The following RORA variants were observed in gnomAD, a reference collection of about 807,000 sequenced individuals.
The protein encoded by RORA is nuclear receptor ROR-alpha.
Under a neutral mutation model 69.5 loss-of-function variants are expected in RORA, and 7 were observed. That is an observed-to-expected ratio of 0.10 (90% CI 0.06 to 0.19). The LOEUF is 0.19. RORA is among the 10% of genes least tolerant of loss of function. The pLI, the probability that RORA is intolerant of heterozygous loss-of-function variation, is 1.00. For missense variants in RORA, 457 were observed against 663.0 expected, an observed-to-expected ratio of 0.69 and a Z score of 3.41; for synonymous variants, 261 against 240.8, an observed-to-expected ratio of 1.08 and a Z score of -0.78.
intron 1 of RORA, among the ~76,000 whole-genome samples, chr15:61,146,629 T>C (rs1435769496): frequency 1.3e-5 from 2 of 152,220 alleles, no homozygotes; most frequent in African/African-American, 2.4e-5. Context: ...AACATGTTAA[T>C]GATTTCAGAC....
chr15:60,932,831 G>C (rs1391265267), intron 1 of RORA, among the ~76,000 whole-genome samples: 1 of 152,176 alleles, frequency 6.6e-6, no homozygotes, highest in East Asian at 1.9e-4. Flanking sequence ...TGTCTGCAAA[G>C]GGATGAATGC....
intron 1 of RORA, among the ~76,000 whole-genome samples, chr15:60,946,653 C>T (rs1022430544): frequency 3.3e-5 from 5 of 152,182 alleles, no homozygotes; most frequent in Non-Finnish European, 7.3e-5. Flanking sequence ...CTTGGCTTCC[C>T]AAAGTGCCCA....
chr15:61,059,226 A>G lies in RORA; in HGVS notation c.166+169827T>C, dbSNP rs2078136809. ...TGGCTGAGCCTCAGGGGATGCCCCT[A>G]TGTAGGCAGAGGAGGAAAAAGAGGA... On this transcript the variant is annotated intron_variant, in intron 1 of 10. Transcript: ENST00000335670. 2.6e-5 allele frequency among the ~76,000 whole-genome samples: 4 copies of G among 152,238 alleles called. No individual in the cohort carries two copies. The South Asian group carries it at 8.3e-4, about 32-fold the overall frequency.
At chr15:61,148,720 G>A (rs1242780503) in intron 1 of RORA, among the ~76,000 whole-genome samples, 1 of 152,120 alleles carries the variant, frequency 6.6e-6, no homozygotes, top group East Asian at 1.9e-4. Flanking sequence ...CTAACCAAAT[G>A]TCCAATATTA....
intron 2 of RORA, among the ~76,000 whole-genome samples, chr15:60,626,394 C>T (rs1471996714): frequency 1.3e-5 from 2 of 152,042 alleles, no homozygotes; most frequent in South Asian, 2.1e-4. Flanking sequence ...TTGTTGTTGT[C>T]GTTGTTGTTG....
intron 1 of RORA, among the ~76,000 whole-genome samples, chr15:60,775,599 C>T (rs2072153949): frequency 6.6e-6 from 1 of 152,034 alleles, no homozygotes; most frequent in African/African-American, 2.4e-5. Flanking sequence ...TGCTCTTTTC[C>T]CCTCCCTGAT....
chr15:61,002,955 C>A (rs1381503773), intron 1 of RORA, among the ~76,000 whole-genome samples: 2 of 147,096 alleles, frequency 1.4e-5, no homozygotes, highest in African/African-American at 5.1e-5. Context: ...CACAGTGAAA[C>A]CCCGTCTCTA....
At chr15:61,215,031 A>ATTTTTTTTTTTTTTTT (rs61132940) in intron 1 of RORA, among the ~76,000 whole-genome samples, 4 of 80,626 alleles carry the variant, frequency 5.0e-5, no homozygotes, top group Non-Finnish European at 6.9e-5. Context: ...CGCCCAGCTA[A>ATTTTTTTTTTTTTTTT]TTTTTTTTTT....
At chr15:61,136,346 C>A (rs964187939) in intron 1 of RORA, among the ~76,000 whole-genome samples, 9 of 152,174 alleles carry the variant, frequency 5.9e-5, no homozygotes, top group Admixed American at 6.5e-5. Context: ...CCAGTTGTTA[C>A]GTGTGATGCT....
At position 60,781,539 on chromosome 15, in the gene RORA, A is replaced by C. The variant is rs1052464438; in HGVS notation, c.167-102853T>G. Among the ~76,000 whole-genome samples, 9 of 152,086 alleles carry C rather than the reference A, an allele frequency of 5.9e-5. No individual in the cohort carries two copies. In the South Asian group the frequency reaches 8.3e-4, roughly 14 times the overall value. ...ATCTGTAACTCCAAGTCATCTATTT[A>C]TCCCCTAACCGTGCTGCTCCACGGG... is the stretch of plus-strand genomic sequence containing the variant. On this transcript the variant is annotated intron_variant, in intron 1 of 10. Coordinates refer to ENST00000335670, the MANE Select transcript of RORA (RefSeq NM_134261.3).
intron 1 of RORA, among the ~76,000 whole-genome samples, chr15:60,703,126 A>AACACACACACACACAC (rs33962963): frequency 1.4e-5 from 2 of 145,482 alleles, no homozygotes; most frequent in African/African-American, 5.1e-5. Flanking sequence ...GCTTCAGATT[A>AACACACACACACACAC]ACACACACAC....
intron 1 of RORA, among the ~76,000 whole-genome samples, chr15:60,831,874 A>G (rs2073047159): frequency 6.6e-6 from 1 of 152,206 alleles, no homozygotes; most frequent in African/African-American, 2.4e-5. Context: ...TTGCCCCTAT[A>G]AAACATCACT....
intron 1 of RORA, among the ~76,000 whole-genome samples, chr15:61,227,178 GCAGCTTCCTAAATACTATGTCC>G (rs2080153062): frequency 6.8e-6 from 1 of 146,454 alleles, no homozygotes; most frequent in Non-Finnish European, 1.5e-5. Flanking sequence ...AAAAATTAGT[GCAGCTTCCTAAATACTATGTCC>G]CCCCCATTCC....
intron 1 of RORA, among the ~76,000 whole-genome samples, chr15:60,843,972 C>A (rs1387581190): frequency 6.6e-6 from 1 of 152,176 alleles, no homozygotes; most frequent in Non-Finnish European, 1.5e-5. Context: ...GGAAACATAG[C>A]CCACACTTTC....
intron 1 of RORA, among the ~76,000 whole-genome samples, chr15:60,965,191 C>T (rs1253070545): frequency 2.0e-5 from 3 of 152,128 alleles, no homozygotes; most frequent in Admixed American, 6.5e-5. Flanking sequence ...ATCTTTAAGC[C>T]CATCAGCACC....
At position 61,226,889 on chromosome 15, in the gene RORA, G is replaced by A. The variant is rs1324153769; in HGVS notation, c.166+2164C>T. 6.6e-6 allele frequency among the ~76,000 whole-genome samples: 1 copy of A among 152,104 alleles called. No homozygotes were observed. The highest frequency in any genetic ancestry group is 6.5e-5 in the Admixed American group (1 of 15,270). ...TGAGTTGGGGTGGGGGCAGAGGGTG[G>A]GGGGAAGGGGATATGGGTCAGCAGG... On this transcript the variant is annotated intron_variant, in intron 1 of 10. Transcript: ENST00000335670. The surrounding 1 kb of genome is among the most constrained non-coding windows in gnomAD (Gnocchi z 4.2).
chr15:60,597,022 C>CTGATT (rs1555435867), intron 2 of RORA, among the ~76,000 whole-genome samples: 1 of 152,152 alleles, frequency 6.6e-6, no homozygotes, highest in Non-Finnish European at 1.5e-5. Context: ...ATCAGCTGAC[C>CTGATT]TGTGCTCTGA....
At chr15:60,622,098 G>A (rs2069427089) in intron 2 of RORA, among the ~76,000 whole-genome samples, 2 of 151,924 alleles carry the variant, frequency 1.3e-5, no homozygotes, top group Non-Finnish European at 2.9e-5. Context: ...CATAGTATGT[G>A]TATACTCCCT....
chr15:60,517,850 A>G (rs1411232084), intron 3 of RORA, among the ~76,000 whole-genome samples: 1 of 152,184 alleles, frequency 6.6e-6, no homozygotes, highest in Non-Finnish European at 1.5e-5. Context: ...AATATGAGGA[A>G]TGTCTGAATG....
Sources: allele counts gnomAD v4.1 joint callset (sites outside exome capture counted in the v4.1 genomes callset), GRCh38; gene constraint gnomAD v4.1.1; non-coding constraint Gnocchi (gnomAD v3.1); transcripts MANE v1.5; gene names NCBI Gene and HGNC (gene_info 2026-07-23, HGNC 2026-07-21).